The following SLC2A1 variants were observed in gnomAD, a reference collection of about 807,000 sequenced individuals.
SLC2A1 encodes solute carrier family 2, facilitated glucose transporter member 1.
In SLC2A1, 4 loss-of-function variants were observed where a neutral mutation model predicts 46.6. That is an observed-to-expected ratio of 0.09 (90% confidence interval 0.04 to 0.20). SLC2A1 has a LOEUF of 0.20. Ranked by LOEUF, SLC2A1 falls within the 10% of genes least tolerant of loss-of-function variation. SLC2A1 has a pLI of 1.00. For missense variants in SLC2A1, 352 were observed against 667.0 expected (o/e 0.53, Z 5.20); for synonymous variants, 253 against 270.0 (o/e 0.94, Z 0.62).
Position 42,929,332 on chromosome 1 carries a change from C to G in SLC2A1, c.868-18G>C, listed in dbSNP as rs1344880106. 1 of 1,584,578 alleles carries G rather than the reference C, an allele frequency of 6.3e-7. No individual in the cohort carries two copies. Among genetic ancestry groups the G allele is most frequent in the Non-Finnish European group, 8.6e-7 (1 of 1,160,732 alleles). On this transcript the variant is annotated intron_variant, in intron 6 of 9. Coordinates refer to ENST00000426263, the MANE Select transcript of SLC2A1 (RefSeq NM_006516.4). The surrounding 1 kb of genome is among the most constrained non-coding windows in gnomAD (Gnocchi z 6.0). ...TAGAAGACCTGCCAGACAAGAGAAACTGTTGGGGCCTACCTGGACATTGTG... is the reference window on the plus strand; with the variant it reads ...TAGAAGACCTGCCAGACAAGAGAAAGTGTTGGGGCCTACCTGGACATTGTG...
chr1:42,956,342 A>G (rs1643773282), intron 1 of SLC2A1, among the ~76,000 whole-genome samples: 1 of 149,416 alleles, frequency 6.7e-6, no homozygotes, highest in Admixed American at 6.8e-5. Flanking sequence ...CGGGCAGATC[A>G]TCTGAGGTCG....
rs775313527 is a variant in SLC2A1, at chr1:42,929,755, A to G, written c.705T>C (p.Ala235=). 4 of 1,614,046 alleles carry G rather than the reference A, an allele frequency of 2.5e-6. No individual in the cohort carries two copies. The Admixed American group carries it at 6.7e-5, about 27-fold the overall frequency. Residue 235 remains alanine, a synonymous_variant, in exon 6 of 10, where the codon GCT becomes GCC. Coordinates refer to ENST00000426263, the MANE Select transcript of SLC2A1 (RefSeq NM_006516.4). The surrounding 1 kb of genome is among the most constrained non-coding windows in gnomAD (Gnocchi z 6.0). ...TCTCCTGCAGGTCATGGGTCACGTCAGCTGTCCCGCGCAGCTTCTTTAGCA... is the reference window on the plus strand; with the variant it reads ...TCTCCTGCAGGTCATGGGTCACGTCGGCTGTCCCGCGCAGCTTCTTTAGCA... ...KSVLKKLRGT[A]DVTHDLQEMK...
intron 1 of SLC2A1, among the ~76,000 whole-genome samples, chr1:42,948,379 C>T (rs1643680465): frequency 6.6e-6 from 1 of 152,206 alleles, no homozygotes; most frequent in East Asian, 1.9e-4. Context: ...TACTGCTACT[C>T]AGAGGCAGGG....
In SLC2A1 at chr1:42,927,347, C is replaced by A; in HGVS notation, c.1279-106G>T. On this transcript the variant is annotated intron_variant, in intron 9 of 9. Transcript: ENST00000426263. The surrounding 1 kb of genome is among the most constrained non-coding windows in gnomAD (Gnocchi z 5.3). Reference sequence around the variant, plus strand: ...TTGGGCCTTTGAGCTGAAAAGGGAACATCCACCTACCCAGGGATGCTATCA... The same window carrying A: ...TTGGGCCTTTGAGCTGAAAAGGGAAAATCCACCTACCCAGGGATGCTATCA... 1 of 1,023,994 alleles carries A rather than the reference C, an allele frequency of 9.8e-7. No homozygotes were observed. The highest frequency in any genetic ancestry group is 1.5e-6 in the Non-Finnish European group (1 of 661,228). 63.4% of individuals were successfully genotyped at this position (1,023,994 alleles called of 1,614,324 possible). A position where few individuals can be genotyped will look rare whatever the true frequency, so the allele number is the denominator to read the frequency against.
chr1:42,929,154 A>G lies in SLC2A1; in HGVS notation c.972+56T>C. 1 of 1,563,132 alleles carries G rather than the reference A, an allele frequency of 6.4e-7. No individual in the cohort carries two copies. On this transcript the variant is annotated intron_variant, in intron 7 of 9. Transcript: ENST00000426263. The surrounding 1 kb of genome is among the most constrained non-coding windows in gnomAD (Gnocchi z 6.0). ...GGCACTGCAAAGACCAGTGGGGAAG[A>G]TGGCACTGCCTCCTCCCTGGGGTTT...
intron 1 of SLC2A1, among the ~76,000 whole-genome samples, chr1:42,956,662 C>T (rs1643780425): frequency 6.6e-6 from 1 of 152,146 alleles, no homozygotes; most frequent in African/African-American, 2.4e-5. Context: ...ACATTAATTA[C>T]TGACGAGGTA....
chr1:42,930,334 C>G lies in SLC2A1; in HGVS notation c.516+292G>C, dbSNP rs981288848. The G allele has an allele frequency of 3.2e-6, 2 of 629,632 alleles. No individual in the cohort carries two copies. The highest frequency in any genetic ancestry group is 5.5e-5 in the Admixed American group (2 of 36,062). 39.0% of individuals were successfully genotyped at this position (629,632 alleles called of 1,614,324 possible). A position where few individuals can be genotyped will look rare whatever the true frequency, so the allele number is the denominator to read the frequency against. ...GGTTTTGGGGACAGGGAAGGGGAAG[C>G]CTCCTGGAGAGAGGGTACTGTGCAT... On this transcript the variant is annotated intron_variant, in intron 4 of 9. Transcript: ENST00000426263. This position sits in a 1 kb window ranked among gnomAD's most constrained non-coding sequence, Gnocchi z 6.2.
intron 2 of SLC2A1, among the ~76,000 whole-genome samples, chr1:42,939,946 C>A (rs1643579364): frequency 9.8e-6 from 1 of 102,178 alleles, no homozygotes; most frequent in Non-Finnish European, 2.0e-5. Flanking sequence ...GAGCAAGACT[C>A]CGTCTCAAAA....
chr1:42,957,893 G>A (rs1355266715), intron 1 of SLC2A1, among the ~76,000 whole-genome samples: 2 of 152,148 alleles, frequency 1.3e-5, no homozygotes, highest in South Asian at 2.1e-4. Flanking sequence ...CTGGCCCCGA[G>A]GGTAAACCTG....
At chr1:42,945,354 A>AGT (rs1643642758) in intron 1 of SLC2A1, among the ~76,000 whole-genome samples, 1 of 151,794 alleles carries the variant, frequency 6.6e-6, no homozygotes, top group Non-Finnish European at 1.5e-5. Context: ...TGGGTGACAG[A>AGT]GTGAGACTCT....
At position 42,929,542 on chromosome 1, in the gene SLC2A1, T is replaced by G; in HGVS notation, c.867+51A>C. On this transcript the variant is annotated intron_variant, in intron 6 of 9. Transcript: ENST00000426263. The surrounding 1 kb of genome is among the most constrained non-coding windows in gnomAD (Gnocchi z 6.0). ...TTTGGGACTTGTTCACCATGCACAC[T>G]TGACCAGAGGGCTTGGCTGGGGCAC... 1 of 1,550,780 alleles carries G rather than the reference T, an allele frequency of 6.4e-7. No individual in the cohort carries two copies. Among genetic ancestry groups the G allele is most frequent in the Non-Finnish European group, 8.9e-7 (1 of 1,126,230 alleles).
Position 42,929,441 on chromosome 1 carries a change from A to C in SLC2A1, c.868-127T>G, listed in dbSNP as rs1446029998. On this transcript the variant is annotated intron_variant, in intron 6 of 9. Coordinates refer to ENST00000426263, the MANE Select transcript of SLC2A1 (RefSeq NM_006516.4). This position sits in a 1 kb window ranked among gnomAD's most constrained non-coding sequence, Gnocchi z 6.0. ...GGACAAATACTCAGGCAGAAGGGAC[A>C]CTGCACTGCAGTGACCTTACGGGCT... The C allele has an allele frequency of 9.4e-7, 1 of 1,066,326 alleles. No individual in the cohort carries two copies. The highest frequency in any genetic ancestry group is 1.3e-5 in the South Asian group (1 of 75,486). 66.1% of individuals were successfully genotyped at this position (1,066,326 alleles called of 1,614,324 possible). A position where few individuals can be genotyped will look rare whatever the true frequency, so the allele number is the denominator to read the frequency against.
At position 42,931,287 on chromosome 1, in the gene SLC2A1, C is replaced by T. The variant is rs1454775116; in HGVS notation, c.115-81G>A. On this transcript the variant is annotated intron_variant, in intron 2 of 9. Transcript: ENST00000426263. ...CTTTTCCTTTCCCCTTGCACCCCTC[C>T]CTAAGAGAGGGCCAGGGCCTGGCTC... 4.9e-6 allele frequency: 7 copies of T among 1,422,504 alleles called. No individual in the cohort carries two copies. In the East Asian group the frequency reaches 1.4e-4, roughly 29 times the overall value. 88.1% of individuals were successfully genotyped at this position (1,422,504 alleles called of 1,614,324 possible). A position where few individuals can be genotyped will look rare whatever the true frequency, so the allele number is the denominator to read the frequency against.
chr1:42,938,836 T>A (rs557151890), intron 2 of SLC2A1, among the ~76,000 whole-genome samples: 5 of 152,344 alleles, frequency 3.3e-5, no homozygotes, highest in South Asian at 2.1e-4. Context: ...GCCCTTTTTT[T>A]AATCTCCCCT....
chr1:42,935,672 G>T (rs1422618094), intron 2 of SLC2A1, among the ~76,000 whole-genome samples: 1 of 152,216 alleles, frequency 6.6e-6, no homozygotes, highest in African/African-American at 2.4e-5. Flanking sequence ...TCCAGACCCT[G>T]CTCGGCTGCT....
At chr1:42,936,488 A>C (rs1157954867) in intron 2 of SLC2A1, among the ~76,000 whole-genome samples, 1 of 152,168 alleles carries the variant, frequency 6.6e-6, no homozygotes, top group Non-Finnish European at 1.5e-5. Context: ...GGGGCTGGAC[A>C]GATAACCCTG....
In SLC2A1 at chr1:42,931,332, G is replaced by A. The variant is rs1451586783; in HGVS notation, c.115-126C>T. On this transcript the variant is annotated intron_variant, in intron 2 of 9. Transcript: ENST00000426263. ...TGGCTCTGCCACAGATTCACTGCAT[G>A]TTCTTGAGCCAAGTCCCTCTATTTT... 7 of 929,668 alleles carry A rather than the reference G, an allele frequency of 7.5e-6. No homozygotes were observed. In the East Asian group the frequency reaches 1.1e-4, roughly 14 times the overall value. 57.6% of individuals were successfully genotyped at this position (929,668 alleles called of 1,614,324 possible).
chr1:42,949,614 G>A (rs1187296970), intron 1 of SLC2A1, among the ~76,000 whole-genome samples: 1 of 152,148 alleles, frequency 6.6e-6, no homozygotes, highest in African/African-American at 2.4e-5. Flanking sequence ...GGTTGCCCTC[G>A]AGGCAGAAGG....
intron 1 of SLC2A1, among the ~76,000 whole-genome samples, chr1:42,947,581 CAAAAAAAAA>C (rs144784155): frequency 1.1e-4 from 6 of 55,828 alleles, no homozygotes; most frequent in East Asian, 5.5e-4. Flanking sequence ...CACACACACA[CAAAAAAAAA>C]AAAAAAAAAA....
Sources: allele counts gnomAD v4.1 joint callset (sites outside exome capture counted in the v4.1 genomes callset), GRCh38; gene constraint gnomAD v4.1.1; non-coding constraint Gnocchi (gnomAD v3.1); transcripts MANE v1.5; gene names NCBI Gene and HGNC (gene_info 2026-07-23, HGNC 2026-07-21).